FNBP4: variants seen among roughly 807,000 people sequenced by gnomAD.
FNBP4 encodes formin-binding protein 4.
A neutral mutation model predicts 119.3 loss-of-function variants in FNBP4; 34 were observed. That is an observed-to-expected ratio of 0.28 (90% CI 0.22 to 0.38). FNBP4 has a LOEUF of 0.38. Ranked by LOEUF, FNBP4 falls within the 10% of genes least tolerant of loss-of-function variation. The probability of loss-of-function intolerance (pLI) is 1.00; values close to 1 mark genes in which losing one functional copy is unlikely to be tolerated. For missense variants in FNBP4, 1,112 were observed against 1,228.9 expected (o/e 0.90, Z 1.42); for synonymous variants, 462 against 430.6 (o/e 1.07, Z -0.90).
At chr11:47,749,152 T>C (rs769819967) in intron 6 of FNBP4, among the ~76,000 whole-genome samples, 105 of 152,218 alleles carry the variant, frequency 6.9e-4, no homozygotes, top group Admixed American at 1.6e-3. Context: ...TGCACACCTG[T>C]AGTCCCAGCT....
intron 9 of FNBP4, among the ~76,000 whole-genome samples, chr11:47,735,668 T>TA (rs759389400): frequency 7.9e-5 from 12 of 152,352 alleles, no homozygotes; most frequent in Non-Finnish European, 1.6e-4. Flanking sequence ...AAGTCAGCCT[T>TA]AATTATTTCA....
chr11:47,736,478 C>A, intron 9 of FNBP4, 138 bp downstream of exon 9: 1 of 601,408 alleles, frequency 1.7e-6, no homozygotes. Context: ...ATGGCTTGAA[C>A]CCAGGAGGCA....
intron 9 of FNBP4, among the ~76,000 whole-genome samples, chr11:47,736,397 A>G (rs763425585): frequency 5.3e-5 from 8 of 151,996 alleles, no homozygotes; most frequent in Non-Finnish European, 1.2e-4. Context: ...TTCTACTAAA[A>G]ATACAAAAAT....
chr11:47,762,038 G>A (rs536217393), intron 2 of FNBP4, among the ~76,000 whole-genome samples: 7 of 151,646 alleles, frequency 4.6e-5, no homozygotes, highest in Admixed American at 6.6e-5. Flanking sequence ...GGGTTTCTCC[G>A]TGCTGGTCAG....
At chr11:47,748,117 T>C (rs1414407014) in intron 6 of FNBP4, among the ~76,000 whole-genome samples, 1 of 151,642 alleles carries the variant, frequency 6.6e-6, no homozygotes, top group Non-Finnish European at 1.5e-5. Context: ...CAGGCGCCTG[T>C]ACTCCCAGCT....
chr11:47,738,274 A>G (rs1012882728), intron 8 of FNBP4, among the ~76,000 whole-genome samples: 6 of 152,190 alleles, frequency 3.9e-5, no homozygotes, highest in African/African-American at 9.6e-5. Flanking sequence ...GCCAGTTAAA[A>G]AGCCAAAAAT....
intron 8 of FNBP4, among the ~76,000 whole-genome samples, chr11:47,739,952 G>GTATT (rs1378057626): frequency 9.9e-6 from 1 of 100,804 alleles, no homozygotes; most frequent in Non-Finnish European, 2.1e-5. Flanking sequence ...CTAGTTTTAT[G>GTATT]TATTTTTGTT....
At chr11:47,729,715 T>C in intron 12 of FNBP4, 8 of 985,384 alleles carry the variant, frequency 8.1e-6, no homozygotes, top group Non-Finnish European at 9.6e-6. Context: ...GACAGGGCAT[T>C]GCTGTGTTTT....
chr11:47,765,450 T>C, intron 1 of FNBP4, 88 bp from the exon 2 acceptor site: 1 of 955,564 alleles, frequency 1.0e-6, no homozygotes, highest in Non-Finnish European at 1.6e-6. Flanking sequence ...GAGAAAACAC[T>C]AGAGGTGACA....
intron 6 of FNBP4, among the ~76,000 whole-genome samples, chr11:47,748,929 G>A (rs1028561133): frequency 6.6e-6 from 1 of 152,112 alleles, no homozygotes; most frequent in Non-Finnish European, 1.5e-5. Context: ...TTACAGGTGT[G>A]AGCCACTGCG....
At chr11:47,744,942 T>G (rs184390697) in intron 7 of FNBP4, among the ~76,000 whole-genome samples, 1 of 152,238 alleles carries the variant, frequency 6.6e-6, no homozygotes, top group Admixed American at 6.5e-5. Flanking sequence ...AAGGACCAGC[T>G]GAAGCCATGG....
At chr11:47,721,331 C>T (rs888144980) in intron 15 of FNBP4, among the ~76,000 whole-genome samples, 3 of 151,522 alleles carry the variant, frequency 2.0e-5, no homozygotes, top group African/African-American at 4.9e-5. Flanking sequence ...GTGGGTCACA[C>T]CTGTAATCTC....
intron 8 of FNBP4, among the ~76,000 whole-genome samples, chr11:47,742,858 C>A (rs1269466935): frequency 4.6e-5 from 7 of 151,894 alleles, no homozygotes; most frequent in Non-Finnish European, 8.8e-5. Context: ...CCATTGCACT[C>A]CAGCCTGGGC....
At chr11:47,751,091 GAT>G (rs1213175265) in intron 5 of FNBP4, 50 bp downstream of exon 5, 2 of 1,612,760 alleles carry the variant, frequency 1.2e-6, no homozygotes, top group Non-Finnish European at 8.5e-7. Flanking sequence ...ATCAGCAAAA[GAT>G]AAGGCTTCAA....
chr11:47,755,141 TAAA>T (rs35333558), intron 2 of FNBP4, among the ~76,000 whole-genome samples: 97 of 122,684 alleles, frequency 7.9e-4, no homozygotes, highest in Non-Finnish European at 7.9e-4. Flanking sequence ...CTCCGGGGGT[TAAA>T]AAAAAAAAAA....
In FNBP4 at chr11:47,765,254, C is replaced by T; in HGVS notation, c.313+16G>A. ...GACGTGGGAGAAAAAATGTAAAAAACAAAACAAAAGCATACCTGTTGCTTT... is the reference window on the plus strand; with the variant it reads ...GACGTGGGAGAAAAAATGTAAAAAATAAAACAAAAGCATACCTGTTGCTTT... On this transcript the variant is annotated intron_variant, in intron 2 of 16. Transcript: ENST00000263773. The T allele has an allele frequency of 6.4e-7, 1 of 1,570,048 alleles. No homozygotes were observed. Among genetic ancestry groups the T allele is most frequent in the Admixed American group, 1.9e-5 (1 of 51,912 alleles).
At chr11:47,738,847 A>ATTT (rs71045510) in intron 8 of FNBP4, among the ~76,000 whole-genome samples, 2,906 of 110,632 alleles carry the variant, frequency 0.026, 376 homozygotes, top group Non-Finnish European at 0.039. Flanking sequence ...TGCCCAGGTA[A>ATTT]TTTTTTTTTT....
intron 6 of FNBP4, among the ~76,000 whole-genome samples, chr11:47,750,047 T>G (rs2097598822): frequency 6.6e-6 from 1 of 151,960 alleles, no homozygotes. Context: ...TTTGCAATGA[T>G]CCAAGAGGCC....
At chr11:47,749,324 C>CACTTTGGGA (rs11283175) in intron 6 of FNBP4, among the ~76,000 whole-genome samples, 147,413 of 152,088 alleles carry the variant, frequency 0.97, 71,621 homozygotes, top group Middle Eastern at 1. Context: ...GTAATCCCAG[C>CACTTTGGGA]GTCTGAGGCA....
Sources: gnomAD v4.1 joint callset for allele counts (sites outside exome capture counted in the v4.1 genomes callset) on GRCh38, gnomAD v4.1.1 for gene constraint, MANE v1.5 for transcripts, NCBI Gene and HGNC (gene_info 2026-07-23, HGNC 2026-07-21) for gene names.